Variants in BORCS5 observed in about 807,000 individuals in gnomAD.
The protein encoded by BORCS5 is BLOC-1 related complex subunit 5.
Under a neutral mutation model 22.1 loss-of-function variants are expected in BORCS5, and 17 were observed. The observed-to-expected ratio is 0.77, with a 90% CI of 0.53 to 1.15. BORCS5 has a LOEUF of 1.15. BORCS5 is among the 50% of genes most tolerant of loss of function. BORCS5 has a pLI of 0.00. For synonymous variants in BORCS5, 117 were observed against 99.8 expected, an observed-to-expected ratio of 1.17 and a Z score of -1.03; for missense variants, 247 against 253.2, an observed-to-expected ratio of 0.98 and a Z score of 0.17.
intron 2 of BORCS5, among the ~76,000 whole-genome samples, chr12:12,409,244 AAG>A (rs1941661394): frequency 6.6e-6 from 1 of 151,832 alleles, no homozygotes; most frequent in Non-Finnish European, 1.5e-5. Context: ...ATTATACTTT[AAG>A]TTTTAGGGTA....
intron 2 of BORCS5, among the ~76,000 whole-genome samples, chr12:12,376,218 T>C (rs945624359): frequency 2.4e-4 from 36 of 151,832 alleles, no homozygotes; most frequent in African/African-American, 8.7e-4. Flanking sequence ...ACAATTGGGA[T>C]TGCTTTGCTC....
At chr12:12,363,600 G>C (rs1411139021) in intron 2 of BORCS5, among the ~76,000 whole-genome samples, 1 of 152,172 alleles carries the variant, frequency 6.6e-6, no homozygotes, top group African/African-American at 2.4e-5. Flanking sequence ...AGCCGGGTGT[G>C]GTGGCGGGTG....
chr12:12,464,584 C>G (rs538100159), intron 3 of BORCS5, among the ~76,000 whole-genome samples: 22 of 152,100 alleles, frequency 1.4e-4, no homozygotes, highest in Non-Finnish European at 2.8e-4. Context: ...GAGCTGTTTT[C>G]TCCTGGCCTG....
Position 12,381,295 on chromosome 12 carries a change from T to A in BORCS5, c.202+19946T>A, listed in dbSNP as rs557889001. On this transcript the variant is annotated intron_variant, in intron 2 of 3. Transcript: ENST00000314565. ...ATGAAGTTCAGTGTATCAATATTTT[T>A]AATAAAGATTTCTCCTAGAAGTTTT... Among the ~76,000 whole-genome samples, 30 of 151,542 alleles carry A rather than the reference T, an allele frequency of 2.0e-4. 1 individual carries two copies. The highest frequency in any genetic ancestry group is 1.7e-3 in the Admixed American group (26 of 15,208).
intron 2 of BORCS5, among the ~76,000 whole-genome samples, chr12:12,427,467 A>G (rs1015996897): frequency 6.6e-6 from 1 of 152,100 alleles, no homozygotes; most frequent in Non-Finnish European, 1.5e-5. Flanking sequence ...GGCGTGAGCC[A>G]CCGCGCCCGG....
chr12:12,430,701 C>T (rs906673587), intron 2 of BORCS5, among the ~76,000 whole-genome samples: 5 of 152,024 alleles, frequency 3.3e-5, no homozygotes, highest in African/African-American at 9.7e-5. Context: ...TGAAATTCCC[C>T]CTCTTTACCC....
At chr12:12,465,441 T>C in intron 3 of BORCS5, 105 bp from the exon 4 acceptor site, 1 of 986,522 alleles carries the variant, frequency 1.0e-6, no homozygotes, top group Non-Finnish European at 1.5e-6. Flanking sequence ...ACTTGTCAGC[T>C]TCCACTGGAT....
chr12:12,372,561 C>CA (rs955823089), intron 2 of BORCS5, among the ~76,000 whole-genome samples: 1 of 152,102 alleles, frequency 6.6e-6, no homozygotes, highest in Non-Finnish European at 1.5e-5. Context: ...CTGGCATATA[C>CA]ATATGGTTAA....
chr12:12,453,567 G>T (rs964027514), intron 3 of BORCS5, among the ~76,000 whole-genome samples: 1 of 152,138 alleles, frequency 6.6e-6, no homozygotes, highest in Non-Finnish European at 1.5e-5. Context: ...TGTCAGGAAG[G>T]GTTCTGAGTC....
At chr12:12,452,959 A>G (rs1267927430) in intron 3 of BORCS5, among the ~76,000 whole-genome samples, 1 of 152,190 alleles carries the variant, frequency 6.6e-6, no homozygotes, top group Non-Finnish European at 1.5e-5. Flanking sequence ...AGAACGTGCC[A>G]TATCTTGATT....
chr12:12,386,748 G>T (rs1415199118), intron 2 of BORCS5, among the ~76,000 whole-genome samples: 1 of 151,272 alleles, frequency 6.6e-6, no homozygotes, highest in East Asian at 1.9e-4. Context: ...GGGATTACAG[G>T]TGCCAGCCAC....
In BORCS5 at chr12:12,465,992, T is replaced by C. The variant is rs1943195391; in HGVS notation, c.*216T>C. The C allele has an allele frequency of 1.9e-6, 1 of 522,012 alleles. No individual in the cohort carries two copies. Among genetic ancestry groups the C allele is most frequent in the South Asian group, 3.0e-5 (1 of 32,934 alleles). 32.3% of individuals were successfully genotyped at this position (522,012 alleles called of 1,614,324 possible). A position where few individuals can be genotyped will look rare whatever the true frequency, so the allele number is the denominator to read the frequency against. ...TGGAAGGAACCTAACCAGTTCTCGG[T>C]GATAACTGAAGCTGGAACGTGTGAA... On this transcript the variant is annotated 3_prime_UTR_variant, in exon 4 of 4. Coordinates refer to ENST00000314565, the MANE Select transcript of BORCS5 (RefSeq NM_058169.6).
At chr12:12,423,564 TC>T (rs1369538115) in intron 2 of BORCS5, among the ~76,000 whole-genome samples, 1 of 151,740 alleles carries the variant, frequency 6.6e-6, no homozygotes, top group Admixed American at 6.6e-5. Context: ...TGTTTTTTTT[TC>T]TTTTAGCAGT....
chr12:12,394,477 A>G (rs986471775), intron 2 of BORCS5, among the ~76,000 whole-genome samples: 2 of 151,954 alleles, frequency 1.3e-5, no homozygotes, highest in Non-Finnish European at 2.9e-5. Context: ...TTGGCTGTTC[A>G]GGGAGTTGGA....
intron 2 of BORCS5, among the ~76,000 whole-genome samples, chr12:12,364,953 C>G (rs1863373137): frequency 6.6e-6 from 1 of 152,152 alleles, no homozygotes; most frequent in Non-Finnish European, 1.5e-5. Context: ...GGCAACAGAG[C>G]AAGACTCTGT....
intron 2 of BORCS5, among the ~76,000 whole-genome samples, chr12:12,424,206 T>A (rs986806937): frequency 3.9e-5 from 6 of 152,214 alleles, no homozygotes; most frequent in Non-Finnish European, 8.8e-5. Context: ...GTCTCATCAA[T>A]CCCTTAGATC....
intron 2 of BORCS5, among the ~76,000 whole-genome samples, chr12:12,414,650 C>T (rs1475488121): frequency 9.4e-6 from 1 of 106,528 alleles, no homozygotes; most frequent in Non-Finnish European, 2.0e-5. Context: ...AGAGGAGCCC[C>T]TCACCTCCCG....
intron 3 of BORCS5, 47 bp from the exon 4 acceptor site, chr12:12,465,499 G>A: frequency 6.5e-7 from 1 of 1,550,168 alleles, no homozygotes; most frequent in Non-Finnish European, 8.9e-7. Context: ...CCTGCGGAGA[G>A]GACTTGATTA....
At chr12:12,365,196 A>G (rs1295261674) in intron 2 of BORCS5, among the ~76,000 whole-genome samples, 1 of 152,116 alleles carries the variant, frequency 6.6e-6, no homozygotes, top group South Asian at 2.1e-4. Flanking sequence ...TTATAGGAAG[A>G]GGTTATCGGG....
Sources: gnomAD v4.1 joint callset for allele counts (sites outside exome capture counted in the v4.1 genomes callset) on GRCh38, gnomAD v4.1.1 for gene constraint, MANE v1.5 for transcripts, NCBI Gene and HGNC (gene_info 2026-07-23, HGNC 2026-07-21) for gene names.